COL5A1: variants seen among roughly 807,000 people sequenced by gnomAD.
The protein encoded by COL5A1 is collagen type V alpha 1 chain, also known as collagen alpha-1(V) chain.
COL5A1 carries 16 observed loss-of-function variants against 263.7 expected under a neutral mutation model. That is an observed-to-expected ratio of 0.06 (90% CI 0.04 to 0.09). The LOEUF is 0.09. Ranked by LOEUF, COL5A1 falls within the 10% of genes least tolerant of loss-of-function variation. The pLI, the probability that COL5A1 is intolerant of heterozygous loss-of-function variation, is 1.00. For missense variants in COL5A1, 2,036 were observed against 2,540.5 expected (o/e 0.80, Z 4.27); for synonymous variants, 1,012 against 1,004.5 (o/e 1.01, Z -0.14).
chr9:134,784,925 T>C lies in COL5A1; in HGVS notation c.2485-64T>C, dbSNP rs1837397388. 11 of 1,331,132 alleles carry C rather than the reference T, an allele frequency of 8.3e-6. No homozygotes were observed. The South Asian group carries it at 1.3e-4, about 16-fold the overall frequency. The allele number at this position is 1,331,132 out of a possible 1,614,324, so 82.5% of individuals were successfully genotyped here. A position where few individuals can be genotyped will look rare whatever the true frequency, so the allele number is the denominator to read the frequency against. ...GTCCCCTTGCTCCTTGCTCTCAGAA[T>C]GGTGGTGGAGAATAGTGTGTGTGCG... On this transcript the variant is annotated intron_variant, in intron 29 of 65. Coordinates refer to ENST00000371817, the MANE Select transcript of COL5A1 (RefSeq NM_000093.5).
At position 134,678,620 on chromosome 9, in the gene COL5A1, C is replaced by T. The variant is rs1396059228; in HGVS notation, c.110-12292C>T. On this transcript the variant is annotated intron_variant, in intron 1 of 65. Coordinates refer to ENST00000371817, the MANE Select transcript of COL5A1 (RefSeq NM_000093.5). This position sits in a 1 kb window ranked among gnomAD's most constrained non-coding sequence, Gnocchi z 5.5. ...TATCCTGGCTGCTGTCATTCCTGAG[C>T]TGATGTGCACTCCTGCAGTGAGCGA... 2.0e-5 allele frequency among the ~76,000 whole-genome samples: 3 copies of T among 152,232 alleles called. No individual in the cohort carries two copies. Among genetic ancestry groups the T allele is most frequent in the Non-Finnish European group, 4.4e-5 (3 of 68,028 alleles).
chr9:134,660,331 G>A (rs1222928617), intron 1 of COL5A1, among the ~76,000 whole-genome samples: 1 of 152,212 alleles, frequency 6.6e-6, no homozygotes, highest in African/African-American at 2.4e-5. Context: ...GTCCTCTGAA[G>A]ATTCGCTACC....
chr9:134,712,982 C>T (rs1226077179), intron 4 of COL5A1, among the ~76,000 whole-genome samples: 1 of 152,200 alleles, frequency 6.6e-6, no homozygotes, highest in Non-Finnish European at 1.5e-5. Context: ...CTCCTGGAGC[C>T]CTGGACTCTC....
At chr9:134,804,868 GT>G (rs1419241124) in intron 39 of COL5A1, 106 bp from the exon 40 acceptor site, 4 of 956,060 alleles carry the variant, frequency 4.2e-6, no homozygotes, top group Non-Finnish European at 6.7e-6. Flanking sequence ...AGAGGTCTGC[GT>G]TGCTGGCTCC....
rs781704492 is a variant in COL5A1, at chr9:134,758,725, C to T, written c.1935+429C>T. Among the ~76,000 whole-genome samples the T allele has an allele frequency of 6.6e-6, 1 of 152,100 alleles. No individual in the cohort carries two copies. The highest frequency in any genetic ancestry group is 1.5e-5 in the Non-Finnish European group (1 of 68,002). ...GGGGGTGGGGACAATCTCAAGTGGCCATGTGGAGACCAGGTCACGAAAACA... is the reference window on the plus strand; with the variant it reads ...GGGGGTGGGGACAATCTCAAGTGGCTATGTGGAGACCAGGTCACGAAAACA... On this transcript the variant is annotated intron_variant, in intron 18 of 65. Transcript: ENST00000371817. This position sits in a 1 kb window ranked among gnomAD's most constrained non-coding sequence, Gnocchi z 4.1.
intron 25 of COL5A1, among the ~76,000 whole-genome samples, chr9:134,771,482 G>A (rs1588530944): frequency 6.6e-6 from 1 of 152,340 alleles, no homozygotes; most frequent in East Asian, 1.9e-4. Context: ...CCTCCCTCAA[G>A]GGGAACTTTG....
chr9:134,840,827 C>T (rs1327214827), intron 65 of COL5A1, among the ~76,000 whole-genome samples: 2 of 152,178 alleles, frequency 1.3e-5, no homozygotes, highest in Non-Finnish European at 2.9e-5. Context: ...GCACTAATAC[C>T]ACTCATGGGG....
intron 7 of COL5A1, 66 bp downstream of exon 7, chr9:134,730,541 A>C: frequency 1.9e-6 from 3 of 1,601,680 alleles, no homozygotes; most frequent in Non-Finnish European, 2.6e-6. Context: ...CTGGGGCCAC[A>C]ATGCTGAGCT....
At chr9:134,739,699 C>T (rs781307371) in intron 11 of COL5A1, among the ~76,000 whole-genome samples, 24 of 152,082 alleles carry the variant, frequency 1.6e-4, no homozygotes, top group African/African-American at 4.3e-4. Context: ...TCAGGAAAGG[C>T]GGGCCAGGGC....
intron 1 of COL5A1, among the ~76,000 whole-genome samples, chr9:134,666,730 T>C (rs1832370971): frequency 1.3e-5 from 2 of 152,124 alleles, no homozygotes; most frequent in Non-Finnish European, 2.9e-5. Context: ...GTGACCCTTT[T>C]CTTCTGCCAG....
At position 134,731,622 on chromosome 9, in the gene COL5A1, G is replaced by A. The variant is rs962170388; in HGVS notation, c.1291G>A (p.Gly431Arg). Residue 431 changes from glycine to arginine, a missense_variant, in exon 8 of 66, where the codon GGG (glycine) becomes AGG (arginine). Transcript: ENST00000371817. ...CCCCACCAGCTCCCCGTCGGAGATC[G>A]GGCCGGGAATGCCGGCGAACCAGGA... ...YDPTSSPSEI[G>R]PGMPANQDTI... is the part of the protein sequence containing the mutation. 45 of 1,614,058 alleles carry A rather than the reference G, an allele frequency of 2.8e-5. No individual in the cohort carries two copies. The highest frequency in any genetic ancestry group is 1.7e-4 in the Middle Eastern group (1 of 6,058).
intron 4 of COL5A1, among the ~76,000 whole-genome samples, chr9:134,712,062 T>TC (rs1279818559): frequency 8.5e-6 from 1 of 118,192 alleles, no homozygotes; most frequent in African/African-American, 3.3e-5. Flanking sequence ...CCTTCCTCCC[T>TC]CCTTCCTGTA....
rs751725995 is a variant in COL5A1, at chr9:134,817,006, G to T, written c.4123-20G>T. On this transcript the variant is annotated intron_variant, in intron 52 of 65. Transcript: ENST00000371817. ...AACGGGCCCCAATTCCTCACACTCT[G>T]TTCTTTCTCCCAATACCAGGGATCC... The T allele has an allele frequency of 6.2e-7, 1 of 1,613,186 alleles. No individual in the cohort carries two copies. Among genetic ancestry groups the T allele is most frequent in the South Asian group, 1.1e-5 (1 of 91,054 alleles).
chr9:134,831,503 C>T (rs757649441), intron 64 of COL5A1, among the ~76,000 whole-genome samples: 2 of 152,174 alleles, frequency 1.3e-5, no homozygotes, highest in Non-Finnish European at 2.9e-5. Context: ...ACAGGGAGGG[C>T]CCGGGACCAG....
intron 61 of COL5A1, 132 bp from the exon 62 acceptor site, chr9:134,824,468 T>G (rs927992401): frequency 5.8e-5 from 64 of 1,098,548 alleles, no homozygotes; most frequent in Non-Finnish European, 7.9e-5. Context: ...GGCGGACAGA[T>G]GTCCATGTAG....
At chr9:134,759,578 A>AC (rs1373598418) in intron 18 of COL5A1, among the ~76,000 whole-genome samples, 2 of 116,226 alleles carry the variant, frequency 1.7e-5, no homozygotes, top group African/African-American at 3.5e-5. Flanking sequence ...CACACCACAC[A>AC]CCCCCACACA....
intron 4 of COL5A1, among the ~76,000 whole-genome samples, chr9:134,712,959 G>T (rs1588462372): frequency 6.6e-6 from 1 of 152,254 alleles, no homozygotes; most frequent in East Asian, 2.0e-4. Flanking sequence ...GCTGCAGCCG[G>T]GGACTCCCAG....
Position 134,753,830 on chromosome 9 carries a change from C to T in COL5A1, c.1720-20C>T. 7.3e-7 allele frequency: 1 copy of T among 1,370,362 alleles called. No homozygotes were observed. The highest frequency in any genetic ancestry group is 9.8e-7 in the Non-Finnish European group (1 of 1,025,288). The allele number at this position is 1,370,362 out of a possible 1,614,324, so 84.9% of individuals were successfully genotyped here. ...AGTCCCCACCTCGAGCAGACATTAACACACACCATGTCTCCCTAGGGTCCC... is the reference window on the plus strand; with the variant it reads ...AGTCCCCACCTCGAGCAGACATTAATACACACCATGTCTCCCTAGGGTCCC... On this transcript the variant is annotated intron_variant, in intron 14 of 65. Transcript: ENST00000371817.
intron 2 of COL5A1, among the ~76,000 whole-genome samples, chr9:134,695,686 A>C (rs1452903100): frequency 3.9e-5 from 6 of 152,160 alleles, no homozygotes. Flanking sequence ...CCCACCTGGG[A>C]ATCTACCTGG....
Sources: allele counts gnomAD v4.1 joint callset (sites outside exome capture counted in the v4.1 genomes callset), GRCh38; gene constraint gnomAD v4.1.1; non-coding constraint Gnocchi (gnomAD v3.1); transcripts MANE v1.5; gene names NCBI Gene and HGNC (gene_info 2026-07-23, HGNC 2026-07-21).